GNAL: variants seen among roughly 807,000 people sequenced by gnomAD.
The protein encoded by GNAL is guanine nucleotide-binding protein G(olf) subunit alpha.
GNAL carries 18 observed loss-of-function variants against 55.1 expected under a neutral mutation model. That is an observed-to-expected ratio of 0.33 (90% CI 0.23 to 0.48). The LOEUF (loss-of-function observed/expected upper bound fraction) is 0.48, where lower values mean the gene tolerates loss of function less well. Among genes scored for constraint, GNAL ranks in the 20% least tolerant of loss-of-function variants. GNAL has a pLI of 0.99. For synonymous variants in GNAL, 253 were observed against 237.0 expected (o/e 1.07, Z -0.62); for missense variants, 412 against 614.1 (o/e 0.67, Z 3.48).
intron 4 of GNAL, among the ~76,000 whole-genome samples, chr18:11,814,534 G>T (rs144014936): frequency 5.2e-4 from 79 of 151,008 alleles, no homozygotes; most frequent in East Asian, 3.5e-3. Context: ...TCTCAGAAAA[G>T]AAAAGAAAAA....
intron 1 of GNAL, among the ~76,000 whole-genome samples, chr18:11,693,652 ATTTG>A (rs1192522759): frequency 6.6e-6 from 1 of 150,574 alleles, no homozygotes; most frequent in Non-Finnish European, 1.5e-5. Flanking sequence ...GACCACATTC[ATTTG>A]TTTATTCTGG....
chr18:11,872,358 C>G lies in GNAL; in HGVS notation c.1122C>G (p.Asp374Glu), dbSNP rs1240283600. Residue 374 changes from aspartate to glutamate, a missense_variant, in exon 10 of 12, where the codon GAC (aspartate) becomes GAG (glutamate). Physicochemically the swap from Asp to Glu is conservative, Grantham distance 45. Coordinates refer to ENST00000334049, the MANE Select transcript of GNAL (RefSeq NM_182978.4). The part of the protein sequence containing the change: ...KVLAGKSKIE[D>E]YFPEYANYTV... ...TGGCAGGGAAATCAAAAATTGAAGA[C>G]TATTTCCCAGAATATGCAAATTATA... 6.4e-7 allele frequency: 1 copy of G among 1,564,776 alleles called. No homozygotes were observed. The highest frequency in any genetic ancestry group is 8.6e-7 in the Non-Finnish European group (1 of 1,157,440).
intron 5 of GNAL, chr18:11,852,286 T>C (rs1219953245): frequency 4.0e-6 from 3 of 751,382 alleles, no homozygotes; most frequent in African/African-American, 1.8e-5. Context: ...ATTTCTGCAC[T>C]CTTAGCTGGA....
At chr18:11,775,104 C>T (rs1229106040) in intron 4 of GNAL, among the ~76,000 whole-genome samples, 1 of 152,204 alleles carries the variant, frequency 6.6e-6, no homozygotes, top group African/African-American at 2.4e-5. Flanking sequence ...TGGCTTCTTT[C>T]TAATTCCTGA....
At position 11,753,837 on chromosome 18, in the gene GNAL, A is replaced by G; in HGVS notation, c.516A>G (p.Ser172=). Residue 172 remains serine (S), a synonymous_variant, in exon 4 of 12, where the codon TCA becomes TCG. Coordinates refer to ENST00000334049, the MANE Select transcript of GNAL (RefSeq NM_182978.4). ...TTATTCCATTTTAGACAATTGTTTC[A>G]GCAATGAGTACTATAATACCTCCAG... The part of the protein sequence containing the change: ...NVKDAIVTIV[S]AMSTIIPPVP... 3 of 1,608,798 alleles carry G rather than the reference A, an allele frequency of 1.9e-6. No individual in the cohort carries two copies. Among genetic ancestry groups the G allele is most frequent in the Non-Finnish European group, 2.6e-6 (3 of 1,175,432 alleles).
At chr18:11,866,271 A>G (rs1328407348) in intron 7 of GNAL, among the ~76,000 whole-genome samples, 1 of 150,218 alleles carries the variant, frequency 6.7e-6, no homozygotes, top group African/African-American at 2.5e-5. Context: ...AGCGTGCCCC[A>G]CGTGTGCTAA....
intron 1 of GNAL, among the ~76,000 whole-genome samples, chr18:11,724,150 C>G (rs913840304): frequency 2.6e-5 from 4 of 152,138 alleles, no homozygotes; most frequent in African/African-American, 9.7e-5. Flanking sequence ...ATGCCTGAGA[C>G]TGGGAAACTT....
intron 4 of GNAL, among the ~76,000 whole-genome samples, chr18:11,762,367 G>GTAATTATTCAGTACACATATTATCCATCT (rs2033270950): frequency 1.3e-5 from 2 of 152,206 alleles, no homozygotes; most frequent in African/African-American, 2.4e-5. Flanking sequence ...CCTTGCTTCA[G>GTAATTATTCAGTACACATATTATCCATCT]TAATTATTCA....
At chr18:11,856,291 A>G (rs2143809824) in intron 5 of GNAL, among the ~76,000 whole-genome samples, 1 of 151,468 alleles carries the variant, frequency 6.6e-6, no homozygotes, top group East Asian at 1.9e-4. Flanking sequence ...TTAGATTGCA[A>G]ATTCCATAGG....
intron 9 of GNAL, among the ~76,000 whole-genome samples, chr18:11,870,880 A>C (rs1055721368): frequency 1.4e-4 from 21 of 152,236 alleles, no homozygotes; most frequent in Non-Finnish European, 3.1e-4. Context: ...TGTGGTAATA[A>C]GACTGTTAAT....
chr18:11,754,046 C>A (rs1260887778), intron 4 of GNAL, 101 bp downstream of exon 4: 1 of 860,220 alleles, frequency 1.2e-6, no homozygotes, highest in Non-Finnish European at 1.9e-6. Context: ...TCATTATTAA[C>A]TTTCTTCGAA....
intron 1 of GNAL, among the ~76,000 whole-genome samples, chr18:11,704,137 G>A (rs1003098678): frequency 1.3e-5 from 2 of 152,154 alleles, no homozygotes; most frequent in Non-Finnish European, 2.9e-5. Flanking sequence ...GTGTTCTTCC[G>A]TGGAGCCTGA....
chr18:11,734,550 C>A (rs1223470913), intron 1 of GNAL, among the ~76,000 whole-genome samples: 1 of 151,624 alleles, frequency 6.6e-6, no homozygotes, highest in East Asian at 1.9e-4. Flanking sequence ...AATGATATGT[C>A]CTTGGAGAGC....
chr18:11,790,676 TG>T (rs2034209166), intron 4 of GNAL, among the ~76,000 whole-genome samples: 1 of 143,044 alleles, frequency 7.0e-6, no homozygotes, highest in Non-Finnish European at 1.5e-5. Context: ...TTTTTTTTTT[TG>T]AGACAGTCTT....
intron 4 of GNAL, among the ~76,000 whole-genome samples, chr18:11,772,864 C>T (rs568530431): frequency 1.3e-5 from 2 of 152,294 alleles, no homozygotes; most frequent in African/African-American, 4.8e-5. Context: ...CGGTTCAACC[C>T]GTTAGATTAA....
intron 4 of GNAL, among the ~76,000 whole-genome samples, chr18:11,755,855 G>T (rs537097884): frequency 1.3e-5 from 2 of 152,104 alleles, no homozygotes; most frequent in South Asian, 4.1e-4. Flanking sequence ...ATGTCCTCCC[G>T]GTTCTCACTG....
At position 11,752,465 on chromosome 18, in the gene GNAL, C is replaced by T. The variant is rs141463280; in HGVS notation, c.377-388C>T. The stretch of plus-strand genomic sequence containing the variant: ...TGTTTGGGCGGCAACAGCAAGACGA[C>T]GGAAGACCAGGGCGTCGATGAAAAA... On this transcript the variant is annotated intron_variant, in intron 1 of 11. Transcript: ENST00000334049. The surrounding 1 kb of genome is among the most constrained non-coding windows in gnomAD (Gnocchi z 4.5). 3 of 1,611,354 alleles carry T rather than the reference C, an allele frequency of 1.9e-6. No homozygotes were observed. Among genetic ancestry groups the T allele is most frequent in the East Asian group, 2.3e-5 (1 of 44,396 alleles).
chr18:11,690,863 T>C (rs1726921264), intron 1 of GNAL, among the ~76,000 whole-genome samples: 1 of 151,598 alleles, frequency 6.6e-6, no homozygotes, highest in South Asian at 2.1e-4. Flanking sequence ...CTATCATTGT[T>C]GGACATTTGG....
intron 3 of GNAL, 50 bp from the exon 4 acceptor site, chr18:11,753,776 T>C (rs1287097989): frequency 4.6e-6 from 7 of 1,524,820 alleles, no homozygotes; most frequent in Non-Finnish European, 6.4e-6. Flanking sequence ...TAGATTATCA[T>C]ACATGGAGCC....
Sources: allele counts gnomAD v4.1 joint callset (sites outside exome capture counted in the v4.1 genomes callset), GRCh38; gene constraint gnomAD v4.1.1; non-coding constraint Gnocchi (gnomAD v3.1); transcripts MANE v1.5; gene names NCBI Gene and HGNC (gene_info 2026-07-23, HGNC 2026-07-21).